The following KAT5 variants were observed in gnomAD, a reference collection of about 807,000 sequenced individuals.
KAT5 encodes histone acetyltransferase KAT5.
KAT5 carries 31 observed loss-of-function variants against 68.1 expected under a neutral mutation model. The ratio of observed to expected loss-of-function variants is 0.46; its 90% CI spans 0.34 to 0.61. KAT5 has a LOEUF of 0.61. Ranked by LOEUF, KAT5 falls within the 20% of genes least tolerant of loss-of-function variation. KAT5 has a pLI of 0.01. For synonymous variants in KAT5, 365 were observed against 292.6 expected (o/e 1.25, Z -2.52); for missense variants, 451 against 725.5 (o/e 0.62, Z 4.35).
At position 65,712,594 on chromosome 11, in the gene KAT5, A is replaced by G. The variant is rs1260493526; in HGVS notation, c.178+149A>G. The G allele has an allele frequency of 5.8e-6, 7 of 1,212,544 alleles. No homozygotes were observed. The Admixed American group carries it at 1.4e-4, about 25-fold the overall frequency. 75.1% of individuals were successfully genotyped at this position (1,212,544 alleles called of 1,614,324 possible). A position where few individuals can be genotyped will look rare whatever the true frequency, so the allele number is the denominator to read the frequency against. On this transcript the variant is annotated intron_variant, in intron 1 of 12. Transcript: ENST00000341318. ...AGGGGCGTGGCTCTTAGCTGCTCCG[A>G]GAGGTACAGGGCGGGGCCTGGAAAG...
At position 65,712,252 on chromosome 11, in the gene KAT5, A is replaced by C. The variant is rs201205470; in HGVS notation, c.-16A>C. 4.3e-6 allele frequency: 6 copies of C among 1,404,842 alleles called. No homozygotes were observed. Among genetic ancestry groups the C allele is most frequent in the Non-Finnish European group, 5.6e-6 (6 of 1,080,062 alleles). 87.0% of individuals were successfully genotyped at this position (1,404,842 alleles called of 1,614,324 possible). On this transcript the variant is annotated 5_prime_UTR_variant, in exon 1 of 13. Coordinates refer to ENST00000341318, the MANE Select transcript of KAT5 (RefSeq NM_182710.3). The stretch of plus-strand genomic sequence containing the variant: ...GTCTCCCAGAGGGGCCGGAAGTGGC[A>C]GTGGAGGGAGGGAAGATGGCGGAGG...
In KAT5 at chr11:65,714,513, G is replaced by A; in HGVS notation, c.709G>A (p.Asp237Asn). 6.2e-7 allele frequency: 1 copy of A among 1,614,096 alleles called. No individual in the cohort carries two copies. The highest frequency in any genetic ancestry group is 8.5e-7 in the Non-Finnish European group (1 of 1,180,036). Reference protein sequence around the residue: ...GTDEDSQDSSDGIPSAPRMTG... With the variant: ...GTDEDSQDSSNGIPSAPRMTG... The stretch of plus-strand genomic sequence containing the variant: ...TGGGCAGGACTCCCAGGACAGCTCT[G>A]ATGGAATACCGTCAGCACCACGCAT... Residue 237 changes from aspartate to asparagine, a missense_variant, in exon 7 of 13, where the codon GAT (aspartate) becomes AAT (asparagine). Asp to Asn is a conservative substitution (Grantham distance 23). This residue lies in a region of KAT5 where 210 missense variants were observed against 423.7 expected (regional missense o/e 0.50). Transcript: ENST00000341318.
At chr11:65,712,543 C>A in intron 1 of KAT5, 98 bp downstream of exon 1, 2 of 1,392,634 alleles carry the variant, frequency 1.4e-6, no homozygotes, top group South Asian at 2.6e-5. Flanking sequence ...AATTATGGGG[C>A]GGGCGAGGCG....
chr11:65,718,871 A>G lies in KAT5; in HGVS notation c.1425-2A>G. The stretch of plus-strand genomic sequence containing the variant: ...GGGAACCTGACCTGTGCTCTCCCAC[A>G]GTGAGATTAGTGAAATCACCAGCAT... On this transcript the variant is annotated splice_acceptor_variant, in intron 11 of 12. Transcript: ENST00000341318. LOFTEE classifies it high-confidence loss of function. The G allele has an allele frequency of 6.2e-7, 1 of 1,614,158 alleles. No homozygotes were observed. The highest frequency in any genetic ancestry group is 8.5e-7 in the Non-Finnish European group (1 of 1,180,018).
At chr11:65,715,816 A>AC (rs1475330605) in intron 8 of KAT5, 1 of 151,918 alleles carries the variant, frequency 6.6e-6, no homozygotes, top group African/African-American at 2.4e-5. Flanking sequence ...CATACCTGTA[A>AC]CCCCAGCACT....
intron 8 of KAT5, chr11:65,715,426 C>T (rs1187409682): frequency 5.9e-6 from 1 of 168,654 alleles, no homozygotes; most frequent in African/African-American, 2.4e-5. Context: ...TAATGTGGAC[C>T]TGGGCATCCA....
rs377274648 is a variant in KAT5 at position 65,716,760 on chromosome 11, A to G, written c.1123A>G (p.Thr375Ala). 1 of 1,613,936 alleles carries G rather than the reference A, an allele frequency of 6.2e-7. No homozygotes were observed. The highest frequency in any genetic ancestry group is 8.5e-7 in the Non-Finnish European group (1 of 1,179,822). ...DTDPFLFYVM[T>A]EYDCKGFHIV... Reference sequence around the variant, plus strand: ...AGACCCTTTCCTCTTCTACGTCATGACAGAGTATGACTGTAAGGGCTTCCA... The same window carrying G: ...AGACCCTTTCCTCTTCTACGTCATGGCAGAGTATGACTGTAAGGGCTTCCA... Residue 375 changes from threonine (T) to alanine (A), a missense_variant, in exon 9 of 13, where the codon ACA becomes GCA. Transcript: ENST00000341318.
intron 11 of KAT5, 36 bp downstream of exon 11, chr11:65,718,785 A>G (rs776873216): frequency 6.2e-7 from 1 of 1,614,028 alleles, no homozygotes; most frequent in South Asian, 1.1e-5. Flanking sequence ...GGTACATGGC[A>G]TGGCTTGTCT....
intron 3 of KAT5, 31 bp from the exon 4 acceptor site, chr11:65,713,317 C>T (rs756695143): frequency 1.2e-6 from 2 of 1,605,946 alleles, no homozygotes; most frequent in Admixed American, 3.4e-5. Context: ...CATCCCCGCC[C>T]CAAAGGAAGA....
intron 8 of KAT5, among the ~76,000 whole-genome samples, chr11:65,715,622 G>T (rs948976698): frequency 6.6e-6 from 1 of 152,006 alleles, no homozygotes; most frequent in Non-Finnish European, 1.5e-5. Context: ...TTAGCTGGGC[G>T]TGGTGGCGGG....
chr11:65,719,279 A>T lies in KAT5; in HGVS notation c.*98A>T. On this transcript the variant is annotated 3_prime_UTR_variant, in exon 13 of 13. Coordinates refer to ENST00000341318, the MANE Select transcript of KAT5 (RefSeq NM_182710.3). Reference sequence around the variant, plus strand: ...GCTCCCACAAAGCACTCTAAGGGAGATGGGGCTGAGGACAGCTCAAAAAGG... The same window carrying T: ...GCTCCCACAAAGCACTCTAAGGGAGTTGGGGCTGAGGACAGCTCAAAAAGG... 7.0e-7 allele frequency: 1 copy of T among 1,424,234 alleles called. No individual in the cohort carries two copies. Among genetic ancestry groups the T allele is most frequent in the Non-Finnish European group, 9.6e-7 (1 of 1,042,116 alleles). The allele number at this position is 1,424,234 out of a possible 1,614,324, so 88.2% of individuals were successfully genotyped here. A position where few individuals can be genotyped will look rare whatever the true frequency, so the allele number is the denominator to read the frequency against.
chr11:65,712,569 A>C (rs763326321), intron 1 of KAT5, 124 bp downstream of exon 1: 7 of 1,288,444 alleles, frequency 5.4e-6, no homozygotes, highest in Non-Finnish European at 2.2e-6. Context: ...ACTTTGATGA[A>C]GGGGCGTGGC....
chr11:65,712,527 G>T, intron 1 of KAT5, 82 bp downstream of exon 1: 1 of 1,488,026 alleles, frequency 6.7e-7, no homozygotes, highest in East Asian at 2.3e-5. Flanking sequence ...GGGGAGGGGC[G>T]TCTGGAATTA....
Position 65,719,564 on chromosome 11 carries a change from T to G in KAT5, c.*383T>G, listed in dbSNP as rs1857327579. 1 of 637,374 alleles carries G rather than the reference T, an allele frequency of 1.6e-6. No individual in the cohort carries two copies. Among genetic ancestry groups the G allele is most frequent in the African/African-American group, 1.8e-5 (1 of 54,530 alleles). 39.5% of individuals were successfully genotyped at this position (637,374 alleles called of 1,614,324 possible). A position where few individuals can be genotyped will look rare whatever the true frequency, so the allele number is the denominator to read the frequency against. ...GGCTGCAAAAATTTCTGGCTTCTCT[T>G]ACCCCTATTGCCCCCGGCAATAAAT... On this transcript the variant is annotated 3_prime_UTR_variant, in exon 13 of 13. Coordinates refer to ENST00000341318, the MANE Select transcript of KAT5 (RefSeq NM_182710.3).
chr11:65,716,876 C>G lies in KAT5; in HGVS notation c.1171-13C>G, dbSNP rs189262268. 1.2e-6 allele frequency: 2 copies of G among 1,613,112 alleles called. No homozygotes were observed. Among genetic ancestry groups the G allele is most frequent in the African/African-American group, 2.7e-5 (2 of 74,928 alleles). On this transcript the variant is annotated splice_polypyrimidine_tract_variant and intron_variant, in intron 9 of 12. Coordinates refer to ENST00000341318, the MANE Select transcript of KAT5 (RefSeq NM_182710.3). ...GATCCCTTCCCTGACACTCACCTGT[C>G]CCCCTTCTCCAGGAGAAAGAATCAA...
chr11:65,712,175 A>G (rs1347158589), upstream of KAT5: 2 of 1,278,820 alleles, frequency 1.6e-6, no homozygotes, highest in Non-Finnish European at 2.1e-6. Flanking sequence ...GTCCCCCTCT[A>G]CAGGGGCTTC....
chr11:65,714,551 G>C lies in KAT5; in HGVS notation c.747G>C (p.Leu249=), dbSNP rs754585319. ...CAGCACCACGCATGACTGGCAGCCTGGTGTCTGATCGAAGCCACGACGACA... is the reference window on the plus strand; with the variant it reads ...CAGCACCACGCATGACTGGCAGCCTCGTGTCTGATCGAAGCCACGACGACA... The part of the protein sequence containing the change: ...IPSAPRMTGS[L]VSDRSHDDIV... The change falls in exon 7 of 13, where the codon CTG becomes CTC. Residue 249 remains leucine, a synonymous_variant. Coordinates refer to ENST00000341318, the MANE Select transcript of KAT5 (RefSeq NM_182710.3). 2.2e-5 allele frequency: 35 copies of C among 1,614,036 alleles called. No homozygotes were observed. The highest frequency in any genetic ancestry group is 3.0e-5 in the Non-Finnish European group (35 of 1,180,040).
At position 65,712,850 on chromosome 11, in the gene KAT5, G is replaced by C. The variant is rs913587172; in HGVS notation, c.247+16G>C. On this transcript the variant is annotated intron_variant, in intron 2 of 12. Transcript: ENST00000341318. Reference sequence around the variant, plus strand: ...TACATTGACTGTGAGTTCTGGGCCTGAGGTGGGGCATCAGGGTAGGGTTGG... The same window carrying C: ...TACATTGACTGTGAGTTCTGGGCCTCAGGTGGGGCATCAGGGTAGGGTTGG... The C allele has an allele frequency of 4.3e-6, 7 of 1,614,180 alleles. No homozygotes were observed. The highest frequency in any genetic ancestry group is 5.9e-6 in the Non-Finnish European group (7 of 1,180,020).
chr11:65,712,555 A>C (rs1857056352), intron 1 of KAT5, 110 bp downstream of exon 1: 12 of 1,364,006 alleles, frequency 8.8e-6, no homozygotes, highest in African/African-American at 1.5e-5. Context: ...GGCGAGGCGC[A>C]GATACTTTGA....
Sources: allele counts gnomAD v4.1 joint callset (sites outside exome capture counted in the v4.1 genomes callset), GRCh38; gene constraint gnomAD v4.1.1; regional missense constraint gnomAD v4.1.1; transcripts MANE v1.5; gene names NCBI Gene and HGNC (gene_info 2026-07-23, HGNC 2026-07-21).